EEFSEC: variants seen among roughly 807,000 people sequenced by gnomAD.
EEFSEC encodes eukaryotic elongation factor, selenocysteine-tRNA specific.
Under a neutral mutation model 42.1 loss-of-function variants are expected in EEFSEC, and 43 were observed. That is an observed-to-expected ratio of 1.02 (90% CI 0.80 to 1.32). The LOEUF (loss-of-function observed/expected upper bound fraction) is 1.32. Among genes scored for constraint, EEFSEC ranks in the 40% most tolerant of loss-of-function variants. The pLI is 0.00. For synonymous variants in EEFSEC, 354 were observed against 339.1 expected, an observed-to-expected ratio of 1.04 and a Z score of -0.48; for missense variants, 745 against 803.6, an observed-to-expected ratio of 0.93 and a Z score of 0.88.
chr3:128,246,332 C>T (rs553131501), intron 1 of EEFSEC, among the ~76,000 whole-genome samples: 1 of 152,310 alleles, frequency 6.6e-6, no homozygotes, highest in Non-Finnish European at 1.5e-5. Context: ...AGGACTGAGC[C>T]GTAGCACTGT....
intron 4 of EEFSEC, among the ~76,000 whole-genome samples, chr3:128,273,348 G>T (rs1158886232): frequency 6.6e-6 from 1 of 152,220 alleles, no homozygotes; most frequent in Non-Finnish European, 1.5e-5. Context: ...ATGGAAGGTT[G>T]ACCTCACAGG....
At chr3:128,171,569 C>T (rs1446136603) in intron 1 of EEFSEC, among the ~76,000 whole-genome samples, 1 of 152,110 alleles carries the variant, frequency 6.6e-6, no homozygotes, top group Non-Finnish European at 1.5e-5. Context: ...GGGCTTCAGT[C>T]ATCAACCCTT....
At chr3:128,262,284 T>C (rs1237429185) in intron 3 of EEFSEC, 60 bp downstream of exon 3, 2 of 1,468,426 alleles carry the variant, frequency 1.4e-6, no homozygotes, top group African/African-American at 2.8e-5. Context: ...GCCAGCCCCT[T>C]TGTGTCCCTC....
chr3:128,203,488 C>G (rs1366538539), intron 1 of EEFSEC, among the ~76,000 whole-genome samples: 1 of 152,222 alleles, frequency 6.6e-6, no homozygotes, highest in Non-Finnish European at 1.5e-5. Flanking sequence ...TGTCAGCCAC[C>G]TCCCTTGTGT....
chr3:128,356,149 G>A (rs543216923), intron 5 of EEFSEC, among the ~76,000 whole-genome samples: 1 of 152,344 alleles, frequency 6.6e-6, no homozygotes, highest in Non-Finnish European at 1.5e-5. Context: ...GGCTCTTATA[G>A]GAATAAAACA....
intron 4 of EEFSEC, among the ~76,000 whole-genome samples, chr3:128,338,479 C>T (rs2067215235): frequency 6.6e-6 from 1 of 152,076 alleles, no homozygotes; most frequent in South Asian, 2.1e-4. Flanking sequence ...AGTCAGGTTC[C>T]GATGGTCAGC....
intron 6 of EEFSEC, among the ~76,000 whole-genome samples, chr3:128,404,042 C>A (rs535407161): frequency 6.6e-6 from 1 of 152,192 alleles, no homozygotes; most frequent in African/African-American, 2.4e-5. Flanking sequence ...AGGCAGGTTG[C>A]GAGAAGCAGA....
intron 1 of EEFSEC, among the ~76,000 whole-genome samples, chr3:128,206,386 C>A (rs567519899): frequency 7.2e-5 from 11 of 152,162 alleles, no homozygotes; most frequent in South Asian, 6.2e-4. Context: ...TTATCAGGCG[C>A]GTTTTGAACT....
intron 6 of EEFSEC, among the ~76,000 whole-genome samples, chr3:128,387,399 G>A (rs142144859): frequency 7.2e-4 from 109 of 152,318 alleles, no homozygotes; most frequent in African/African-American, 2.5e-3. Context: ...AAATGAAGGT[G>A]CTGTGTGGCA....
chr3:128,190,269 A>G (rs1001611028), intron 1 of EEFSEC, among the ~76,000 whole-genome samples: 5 of 152,238 alleles, frequency 3.3e-5, no homozygotes, highest in South Asian at 4.1e-4. Flanking sequence ...TGACAGCTCC[A>G]TGCATGTTAC....
intron 1 of EEFSEC, among the ~76,000 whole-genome samples, chr3:128,155,140 G>C (rs1219759715): frequency 6.6e-6 from 1 of 151,770 alleles, no homozygotes; most frequent in Non-Finnish European, 1.5e-5. Context: ...TTCTGAGATG[G>C]AGTCTCGCTC....
intron 1 of EEFSEC, among the ~76,000 whole-genome samples, chr3:128,167,574 G>A (rs891450700): frequency 1.9e-4 from 29 of 152,252 alleles, no homozygotes; most frequent in Admixed American, 3.3e-4. Flanking sequence ...TAGCAAAGTA[G>A]TTTAACTCAT....
intron 1 of EEFSEC, among the ~76,000 whole-genome samples, chr3:128,243,132 G>A (rs1162555479): frequency 6.6e-6 from 1 of 152,250 alleles, no homozygotes; most frequent in African/African-American, 2.4e-5. Context: ...CTGGTTCCCA[G>A]TGTGGCCAGT....
intron 4 of EEFSEC, among the ~76,000 whole-genome samples, chr3:128,285,299 G>C (rs2066571614): frequency 6.6e-6 from 1 of 152,156 alleles, no homozygotes; most frequent in African/African-American, 2.4e-5. Context: ...CTATGGTGCT[G>C]CAGAGCCTGG....
intron 4 of EEFSEC, among the ~76,000 whole-genome samples, chr3:128,273,389 C>A (rs900570810): frequency 6.7e-6 from 1 of 149,472 alleles, no homozygotes; most frequent in African/African-American, 2.6e-5. Context: ...CTTCTCTCTG[C>A]AGGTGCTGTT....
chr3:128,304,567 T>C (rs565608681), intron 4 of EEFSEC, among the ~76,000 whole-genome samples: 18 of 152,344 alleles, frequency 1.2e-4, no homozygotes, highest in South Asian at 8.3e-4. Context: ...TATATAATTA[T>C]ATCATTGGCA....
chr3:128,272,784 C>T (rs1025803838), intron 4 of EEFSEC, among the ~76,000 whole-genome samples: 16 of 152,256 alleles, frequency 1.1e-4, no homozygotes, highest in African/African-American at 2.9e-4. Flanking sequence ...TACATGTCCA[C>T]CCCTGGAGCT....
At chr3:128,287,495 C>T (rs1215659236) in intron 4 of EEFSEC, among the ~76,000 whole-genome samples, 2 of 152,192 alleles carry the variant, frequency 1.3e-5, no homozygotes, top group African/African-American at 2.4e-5. Flanking sequence ...CCTCAACATG[C>T]ACTGGATTCT....
chr3:128,171,879 A>C (rs1012232471), intron 1 of EEFSEC, among the ~76,000 whole-genome samples: 1 of 152,196 alleles, frequency 6.6e-6, no homozygotes, highest in Non-Finnish European at 1.5e-5. Context: ...TCAACAACAA[A>C]AAAATGATAT....
Sources: allele counts gnomAD v4.1 joint callset (sites outside exome capture counted in the v4.1 genomes callset), GRCh38; gene constraint gnomAD v4.1.1; transcripts MANE v1.5; gene names NCBI Gene and HGNC (gene_info 2026-07-23, HGNC 2026-07-21).